Variants in GRIA2 observed in about 807,000 individuals in gnomAD.
GRIA2 encodes the protein glutamate receptor 2.
GRIA2 carries 14 observed loss-of-function variants against 97.3 expected under a neutral mutation model. That is an observed-to-expected ratio of 0.14 (90% CI 0.10 to 0.23). GRIA2 has a LOEUF of 0.23. GRIA2 is among the 10% of genes least tolerant of loss of function. GRIA2 has a pLI of 1.00. For missense variants in GRIA2, 558 were observed against 1,069.8 expected, an observed-to-expected ratio of 0.52 and a Z score of 6.67; for synonymous variants, 412 against 387.8, an observed-to-expected ratio of 1.06 and a Z score of -0.73.
intron 2 of GRIA2, among the ~76,000 whole-genome samples, chr4:157,248,602 T>TACGTGTATATATGTATATATAC (rs1425294908): frequency 2.1e-4 from 27 of 126,940 alleles, no homozygotes; most frequent in Middle Eastern, 4.4e-3. Flanking sequence ...TGTATATATA[T>TACGTGTATATATGTATATATAC]GTATATATAC....
At chr4:157,347,332 A>G (rs535398315) in intron 12 of GRIA2, among the ~76,000 whole-genome samples, 3 of 152,264 alleles carry the variant, frequency 2.0e-5, no homozygotes, top group Admixed American at 6.5e-5. Context: ...CTCTGTAACC[A>G]TGCAATTGTG....
At chr4:157,355,416 T>G (rs995107309) in intron 12 of GRIA2, among the ~76,000 whole-genome samples, 1 of 150,556 alleles carries the variant, frequency 6.6e-6, no homozygotes, top group African/African-American at 2.4e-5. Flanking sequence ...TAATCCCAGC[T>G]ACCCAGGAGG....
At chr4:157,227,612 A>G (rs1364874247) in intron 2 of GRIA2, among the ~76,000 whole-genome samples, 2 of 152,230 alleles carry the variant, frequency 1.3e-5, no homozygotes, top group Non-Finnish European at 2.9e-5. Flanking sequence ...ATTCAGAGCT[A>G]AAATCTTGTA....
chr4:157,274,631 C>T (rs1732199755), intron 2 of GRIA2, among the ~76,000 whole-genome samples: 1 of 150,054 alleles, frequency 6.7e-6, no homozygotes, highest in South Asian at 2.1e-4. Context: ...GGCTTTTTGT[C>T]CTTGCGATAG....
At chr4:157,236,682 G>T (rs1472328461) in intron 2 of GRIA2, among the ~76,000 whole-genome samples, 2 of 152,110 alleles carry the variant, frequency 1.3e-5, no homozygotes, top group African/African-American at 4.8e-5. Flanking sequence ...GTCTGTTTCT[G>T]CCTAATATCA....
chr4:157,353,130 AT>A (rs1465317634), intron 12 of GRIA2, among the ~76,000 whole-genome samples: 1 of 151,774 alleles, frequency 6.6e-6, no homozygotes, highest in East Asian at 2.0e-4. Flanking sequence ...AGGTGGGTGG[AT>A]CACCTGAGGT....
chr4:157,266,158 A>G (rs563901712), intron 2 of GRIA2, among the ~76,000 whole-genome samples: 6 of 152,234 alleles, frequency 3.9e-5, no homozygotes, highest in African/African-American at 1.4e-4. Flanking sequence ...AGAGCTATTT[A>G]TTGAACTTAA....
intron 6 of GRIA2, among the ~76,000 whole-genome samples, chr4:157,322,649 T>A (rs749082486): frequency 6.8e-4 from 104 of 152,196 alleles, no homozygotes; most frequent in Non-Finnish European, 1.2e-3. Context: ...CTAAGGGTAG[T>A]TTAAAGAGTG....
chr4:157,352,718 TAAAAAAA>T (rs571562254), intron 12 of GRIA2, among the ~76,000 whole-genome samples: 1 of 92,714 alleles, frequency 1.1e-5, no homozygotes, highest in Non-Finnish European at 2.1e-5. Context: ...AGACTCCATC[TAAAAAAA>T]AAAAAAAAAA....
chr4:157,246,127 C>T (rs191202692), intron 2 of GRIA2, among the ~76,000 whole-genome samples: 14 of 152,082 alleles, frequency 9.2e-5, no homozygotes, highest in African/African-American at 2.6e-4. Context: ...TCCAGTATTA[C>T]GTTTAGTTTT....
intron 2 of GRIA2, among the ~76,000 whole-genome samples, chr4:157,222,145 C>G (rs565574942): frequency 1.3e-4 from 20 of 152,222 alleles, no homozygotes; most frequent in Middle Eastern, 6.8e-3. Flanking sequence ...CCTCCCACCT[C>G]GCTCCCCATC....
intron 11 of GRIA2, among the ~76,000 whole-genome samples, chr4:157,337,651 G>T (rs888234636): frequency 6.6e-6 from 1 of 151,772 alleles, no homozygotes; most frequent in Non-Finnish European, 1.5e-5. Flanking sequence ...TGCCTTTCAT[G>T]ATACAATTTT....
chr4:157,350,911 T>G (rs1943993270), intron 12 of GRIA2, among the ~76,000 whole-genome samples: 1 of 151,418 alleles, frequency 6.6e-6, no homozygotes, highest in Non-Finnish European at 1.5e-5. Context: ...CACTCCTGTT[T>G]AATTTTACAT....
At chr4:157,244,199 A>C (rs1730630574) in intron 2 of GRIA2, among the ~76,000 whole-genome samples, 1 of 151,994 alleles carries the variant, frequency 6.6e-6, no homozygotes. Flanking sequence ...TACTCTCAGG[A>C]GGAAGGTGTC....
chr4:157,361,439 C>T lies in GRIA2; in HGVS notation c.2406+315C>T. The T allele has an allele frequency of 1.1e-6, 1 of 936,966 alleles. No homozygotes were observed. Among genetic ancestry groups the T allele is most frequent in the Non-Finnish European group, 1.7e-6 (1 of 599,540 alleles). The allele number at this position is 936,966 out of a possible 1,614,324, so 58.0% of individuals were successfully genotyped here. A position where few individuals can be genotyped will look rare whatever the true frequency, so the allele number is the denominator to read the frequency against. ...CGTTTGCTTAGGCCAAATGGCGCATCAATGACTATCGCTCTTACAAAGCTC... is the reference window on the plus strand; with the variant it reads ...CGTTTGCTTAGGCCAAATGGCGCATTAATGACTATCGCTCTTACAAAGCTC... On this transcript the variant is annotated intron_variant, in intron 14 of 15. Transcript: ENST00000264426. The surrounding 1 kb of genome is among the most constrained non-coding windows in gnomAD (Gnocchi z 5.2).
At chr4:157,272,962 T>A (rs1732101671) in intron 2 of GRIA2, among the ~76,000 whole-genome samples, 1 of 152,006 alleles carries the variant, frequency 6.6e-6, no homozygotes, top group African/African-American at 2.4e-5. Context: ...TCACAGAAAG[T>A]CTGTAGTAAA....
intron 2 of GRIA2, among the ~76,000 whole-genome samples, chr4:157,278,450 A>T (rs1732448300): frequency 6.6e-6 from 1 of 151,996 alleles, no homozygotes; most frequent in Admixed American, 6.6e-5. Flanking sequence ...CACATATCTT[A>T]TGCCTTTTAT....
At chr4:157,297,884 G>T (rs1004472745) in intron 2 of GRIA2, among the ~76,000 whole-genome samples, 4 of 151,748 alleles carry the variant, frequency 2.6e-5, no homozygotes, top group African/African-American at 9.7e-5. Flanking sequence ...AAATAATCAT[G>T]AAAATACATT....
intron 12 of GRIA2, among the ~76,000 whole-genome samples, chr4:157,358,888 T>C (rs1736511447): frequency 6.6e-6 from 1 of 152,172 alleles, no homozygotes; most frequent in Non-Finnish European, 1.5e-5. Flanking sequence ...TTAAATTCCT[T>C]AGAATAAAAA....
Sources: gnomAD v4.1 joint callset for allele counts (sites outside exome capture counted in the v4.1 genomes callset) on GRCh38, gnomAD v4.1.1 for gene constraint, Gnocchi (gnomAD v3.1) non-coding constraint, MANE v1.5 for transcripts, NCBI Gene and HGNC (gene_info 2026-07-23, HGNC 2026-07-21) for gene names.